ST6GAL1: variants seen among roughly 807,000 people sequenced by gnomAD.
ST6GAL1 encodes the protein beta-galactoside alpha-2,6-sialyltransferase 1.
ST6GAL1 carries 20 observed loss-of-function variants against 38.0 expected under a neutral mutation model. That is an observed-to-expected ratio of 0.53 (90% CI 0.37 to 0.77). ST6GAL1 has a LOEUF of 0.77. Ranked by LOEUF, ST6GAL1 falls within the 30% of genes least tolerant of loss-of-function variation. The pLI is 0.00. For synonymous variants in ST6GAL1, 196 were observed against 188.2 expected, an observed-to-expected ratio of 1.04 and a Z score of -0.34; for missense variants, 432 against 496.4, an observed-to-expected ratio of 0.87 and a Z score of 1.23.
chr3:186,963,177 A>T (rs1470430858), intron 1 of ST6GAL1, among the ~76,000 whole-genome samples: 1 of 152,190 alleles, frequency 6.6e-6, no homozygotes, highest in Non-Finnish European at 1.5e-5. Flanking sequence ...AAAATTTAGG[A>T]TCAGTTAAAA....
chr3:186,968,237 T>C (rs1029894229), intron 2 of ST6GAL1, among the ~76,000 whole-genome samples: 3 of 152,204 alleles, frequency 2.0e-5, no homozygotes, highest in African/African-American at 4.8e-5. Context: ...AGTTTCATCA[T>C]CTGTAAAATG....
At chr3:187,021,996 C>G (rs566678629) in intron 2 of ST6GAL1, 1 of 152,254 alleles carries the variant, frequency 6.6e-6, no homozygotes, top group Non-Finnish European at 1.5e-5. Context: ...TGATGATAAA[C>G]CAGTAAATGT....
At chr3:186,955,551 G>A (rs1714718428) in intron 1 of ST6GAL1, among the ~76,000 whole-genome samples, 1 of 151,756 alleles carries the variant, frequency 6.6e-6, no homozygotes, top group South Asian at 2.1e-4. Flanking sequence ...CACCCAGGCT[G>A]GAGTGCAGTG....
In ST6GAL1 at chr3:187,043,150, T is replaced by C. The variant is rs963445098; in HGVS notation, c.447T>C (p.Asn149=). Residue 149 remains asparagine (N), a synonymous_variant, in exon 4 of 8, where the codon AAT becomes AAC. Coordinates refer to ENST00000169298, the MANE Select transcript of ST6GAL1 (RefSeq NM_173216.2). ...GCTGCCACCTCCGGGACCATGTGAA[T>C]GTATCCATGGTAGAGGTCACAGATT... ...ALRCHLRDHV[N]VSMVEVTDFP... 25 of 1,614,070 alleles carry C rather than the reference T, an allele frequency of 1.5e-5. No homozygotes were observed. Among genetic ancestry groups the C allele is most frequent in the Non-Finnish European group, 2.1e-5 (25 of 1,180,032 alleles).
chr3:187,058,193 C>G (rs780686518), intron 5 of ST6GAL1, among the ~76,000 whole-genome samples: 1 of 152,122 alleles, frequency 6.6e-6, no homozygotes, highest in Non-Finnish European at 1.5e-5. Flanking sequence ...TTTCAGGTAC[C>G]GTCTGTCACG....
chr3:186,958,075 A>G (rs961690162), intron 1 of ST6GAL1, among the ~76,000 whole-genome samples: 5 of 152,152 alleles, frequency 3.3e-5, no homozygotes, highest in African/African-American at 1.2e-4. Flanking sequence ...AGATTAGTAC[A>G]TAATGGTATA....
intron 2 of ST6GAL1, among the ~76,000 whole-genome samples, chr3:186,988,562 G>A (rs1716036370): frequency 6.7e-6 from 1 of 148,742 alleles, no homozygotes; most frequent in Admixed American, 6.7e-5. Context: ...GTGTGTTTTG[G>A]GGTGGGGGGG....
intron 1 of ST6GAL1, among the ~76,000 whole-genome samples, chr3:186,940,704 T>C (rs372294874): frequency 6.6e-6 from 1 of 152,288 alleles, no homozygotes; most frequent in East Asian, 1.9e-4. Flanking sequence ...AGATCGGACA[T>C]TCCTGGCATT....
intron 1 of ST6GAL1, among the ~76,000 whole-genome samples, chr3:186,947,235 C>T (rs1411492524): frequency 6.6e-6 from 1 of 152,152 alleles, no homozygotes; most frequent in Admixed American, 6.5e-5. Context: ...ATTATCTCTA[C>T]TGTACACATG....
intron 2 of ST6GAL1, among the ~76,000 whole-genome samples, chr3:186,987,410 G>A (rs1715986233): frequency 6.6e-6 from 1 of 152,160 alleles, no homozygotes; most frequent in African/African-American, 2.4e-5. Context: ...GCTAACAATG[G>A]GGAGAGAGGA....
intron 5 of ST6GAL1, chr3:187,071,846 T>C (rs1441662395): frequency 6.6e-6 from 1 of 150,418 alleles, no homozygotes; most frequent in Non-Finnish European, 1.5e-5. Flanking sequence ...CTCAAGATCA[T>C]AGGAAAGTTA....
At chr3:186,981,150 A>G (rs146424369) in intron 2 of ST6GAL1, among the ~76,000 whole-genome samples, 278 of 152,376 alleles carry the variant, frequency 1.8e-3, no homozygotes, top group African/African-American at 6.0e-3. Flanking sequence ...GCAAAGAACC[A>G]TGTGTGAATT....
At chr3:186,969,299 C>T (rs896409056) in intron 2 of ST6GAL1, among the ~76,000 whole-genome samples, 1 of 152,118 alleles carries the variant, frequency 6.6e-6, no homozygotes, top group Non-Finnish European at 1.5e-5. Context: ...GTGATCTGCC[C>T]GCCTCAGCCC....
At chr3:186,995,503 C>T (rs1560155433) in intron 2 of ST6GAL1, among the ~76,000 whole-genome samples, 1 of 36,494 alleles carries the variant, frequency 2.7e-5, no homozygotes, top group African/African-American at 1.0e-4. Flanking sequence ...GAGACACCAT[C>T]TCAAAAAAAA....
chr3:187,030,044 C>T (rs77890843), intron 2 of ST6GAL1, among the ~76,000 whole-genome samples: 4 of 152,030 alleles, frequency 2.6e-5, no homozygotes, highest in East Asian at 1.9e-4. Flanking sequence ...AGTGAGTGGC[C>T]GTGGTCACAA....
At chr3:186,987,157 G>A (rs996720207) in intron 2 of ST6GAL1, among the ~76,000 whole-genome samples, 1 of 123,288 alleles carries the variant, frequency 8.1e-6, no homozygotes, top group Non-Finnish European at 1.6e-5. Context: ...AGGGAGGGAG[G>A]GAGGAAGAAA....
chr3:187,060,263 C>T (rs1274159750), intron 5 of ST6GAL1, among the ~76,000 whole-genome samples: 4 of 152,120 alleles, frequency 2.6e-5, no homozygotes, highest in South Asian at 4.1e-4. Flanking sequence ...TGGGTTCAAG[C>T]GATTCCCCTG....
At chr3:187,033,737 C>T (rs193112088) in intron 2 of ST6GAL1, among the ~76,000 whole-genome samples, 30 of 152,026 alleles carry the variant, frequency 2.0e-4, no homozygotes, top group Admixed American at 8.5e-4. Flanking sequence ...TAAATAAGCT[C>T]GACATTAAAA....
At chr3:187,030,895 G>T (rs569573896) in intron 2 of ST6GAL1, among the ~76,000 whole-genome samples, 1 of 152,328 alleles carries the variant, frequency 6.6e-6, no homozygotes, top group Admixed American at 6.5e-5. Context: ...CAATGATGGT[G>T]CCGTCAAGGT....
Sources: gnomAD v4.1 joint callset for allele counts (sites outside exome capture counted in the v4.1 genomes callset) on GRCh38, gnomAD v4.1.1 for gene constraint, MANE v1.5 for transcripts, NCBI Gene and HGNC (gene_info 2026-07-23, HGNC 2026-07-21) for gene names.